The following FHL2 variants were observed in gnomAD, a reference collection of about 807,000 sequenced individuals.
FHL2 encodes the protein four and a half LIM domains 2.
In FHL2, 20 loss-of-function variants were observed where a neutral mutation model predicts 32.7. The observed-to-expected ratio is 0.61, with a 90% CI of 0.43 to 0.89. FHL2 has a LOEUF of 0.89. FHL2 is among the 40% of genes least tolerant of loss of function. The probability of loss-of-function intolerance (pLI) is 0.00; values close to 1 mark genes in which losing one functional copy is unlikely to be tolerated. For missense variants in FHL2, 311 were observed against 358.6 expected (o/e 0.87, Z 1.07); for synonymous variants, 123 against 128.1 (o/e 0.96, Z 0.27).
intron 2 of FHL2, among the ~76,000 whole-genome samples, chr2:105,387,454 C>T (rs547883231): frequency 3.3e-5 from 5 of 152,118 alleles, no homozygotes; most frequent in African/African-American, 7.2e-5. Flanking sequence ...TTGCTCCCTG[C>T]GGGTAAGATC....
intron 4 of FHL2, among the ~76,000 whole-genome samples, chr2:105,370,765 G>A (rs1227767612): frequency 1.3e-5 from 2 of 152,152 alleles, no homozygotes; most frequent in East Asian, 1.9e-4. Context: ...TGCATACACC[G>A]GGATTCTTCT....
At chr2:105,432,037 A>T (rs11124032) in intron 1 of FHL2, among the ~76,000 whole-genome samples, 1 of 152,088 alleles carries the variant, frequency 6.6e-6, no homozygotes, top group Admixed American at 6.5e-5. Context: ...ACTTGCCACT[A>T]TGAGTTTCCA....
At chr2:105,378,219 T>C in intron 3 of FHL2, 2 of 470,688 alleles carry the variant, frequency 4.2e-6, no homozygotes, top group South Asian at 3.1e-5. Flanking sequence ...AAAAATGCAA[T>C]AGCTACAGTT....
chr2:105,404,012 A>T (rs1449185057), upstream of FHL2, among the ~76,000 whole-genome samples: 4 of 151,622 alleles, frequency 2.6e-5, no homozygotes, highest in East Asian at 7.7e-4. Flanking sequence ...CGTGGGGGGG[A>T]GGCTGGTGGG....
intron 5 of FHL2, among the ~76,000 whole-genome samples, chr2:105,365,185 T>C (rs1353468625): frequency 1.3e-5 from 2 of 152,164 alleles, no homozygotes; most frequent in Non-Finnish European, 2.9e-5. Context: ...CTCAGATTAG[T>C]TGAGGTCCCT....
At chr2:105,412,707 G>A (rs1009963150) in intron 1 of FHL2, among the ~76,000 whole-genome samples, 1 of 152,222 alleles carries the variant, frequency 6.6e-6, no homozygotes, top group African/African-American at 2.4e-5. Flanking sequence ...CGCAGAGGTG[G>A]CTGAGAAGGC....
At position 105,398,898 on chromosome 2, in the gene FHL2, C is replaced by T. The variant is rs747293424; in HGVS notation, c.-132G>A. The T allele has an allele frequency of 3.3e-6, 5 of 1,530,388 alleles. No individual in the cohort carries two copies. The highest frequency in any genetic ancestry group is 1.7e-4 in the Middle Eastern group (1 of 5,842). 94.8% of individuals were successfully genotyped at this position (1,530,388 alleles called of 1,614,324 possible). A position where few individuals can be genotyped will look rare whatever the true frequency, so the allele number is the denominator to read the frequency against. On this transcript the variant is annotated 5_prime_UTR_variant, in exon 1 of 7. Coordinates refer to ENST00000530340, the MANE Select transcript of FHL2 (RefSeq NM_001318895.3). Reference sequence around the variant, plus strand: ...TCCTTGGGTCTCGCACCGGATTCGGCCCCCACTTCCGAGCCCTGGTGGCTA... The same window carrying T: ...TCCTTGGGTCTCGCACCGGATTCGGTCCCCACTTCCGAGCCCTGGTGGCTA...
At chr2:105,435,033 T>G (rs17030895) in intron 1 of FHL2, among the ~76,000 whole-genome samples, 3,358 of 152,298 alleles carry the variant, frequency 0.022, 130 homozygotes, top group African/African-American at 0.077. Context: ...ATTTAAAATG[T>G]AGAGAAAAAT....
At chr2:105,361,496 AG>A in intron 6 of FHL2, 62 bp from the exon 7 acceptor site, 1 of 1,481,032 alleles carries the variant, frequency 6.8e-7, no homozygotes, top group Non-Finnish European at 9.3e-7. Flanking sequence ...CTGGGACTGA[AG>A]AAGGAATTCT....
chr2:105,438,226 C>T (rs1045531916), intron 1 of FHL2, among the ~76,000 whole-genome samples: 6 of 152,170 alleles, frequency 3.9e-5, no homozygotes, highest in Non-Finnish European at 8.8e-5. Context: ...AGCCAGCTGC[C>T]AGCAACACCT....
At chr2:105,421,405 G>A (rs964695267) in intron 1 of FHL2, among the ~76,000 whole-genome samples, 1 of 152,138 alleles carries the variant, frequency 6.6e-6, no homozygotes, top group African/African-American at 2.4e-5. Flanking sequence ...CGCTACAGAA[G>A]GCCCAATGCC....
intron 1 of FHL2, among the ~76,000 whole-genome samples, chr2:105,414,083 C>G (rs1363219890): frequency 6.6e-6 from 1 of 152,176 alleles, no homozygotes. Context: ...CCCTCCTTGG[C>G]TTCCATTAAT....
chr2:105,383,221 C>T (rs1449647074), intron 3 of FHL2, among the ~76,000 whole-genome samples: 1 of 152,192 alleles, frequency 6.6e-6, no homozygotes, highest in Non-Finnish European at 1.5e-5. Flanking sequence ...TTTTGAAGCC[C>T]AGAACGTAGG....
At chr2:105,368,700 A>G (rs1461047765) in intron 4 of FHL2, among the ~76,000 whole-genome samples, 1 of 152,226 alleles carries the variant, frequency 6.6e-6, no homozygotes, top group Admixed American at 6.5e-5. Context: ...CTGTTGACTG[A>G]CATTTTTTCA....
chr2:105,436,082 G>A (rs1044063940), intron 1 of FHL2, among the ~76,000 whole-genome samples: 2 of 152,118 alleles, frequency 1.3e-5, no homozygotes, highest in Admixed American at 6.6e-5. Flanking sequence ...TTCAAATGAA[G>A]TATCAAATTG....
Position 105,398,927 on chromosome 2 carries a change from C to T in FHL2, c.-161G>A, listed in dbSNP as rs1438955857. On this transcript the variant is annotated 5_prime_UTR_variant, in exon 1 of 7. Transcript: ENST00000530340. ...CACTTCCGAGCCCTGGTGGCTAAGC[C>T]CCTCGGCCTCCCTCCGGGGCGCAGG... 2 of 1,537,220 alleles carry T rather than the reference C, an allele frequency of 1.3e-6. No homozygotes were observed. The highest frequency in any genetic ancestry group is 2.0e-5 in the Admixed American group (1 of 49,262).
At chr2:105,363,249 A>C (rs1275434478) in intron 6 of FHL2, 36 bp downstream of exon 6, 12 of 1,607,792 alleles carry the variant, frequency 7.5e-6, no homozygotes, top group Non-Finnish European at 9.4e-6. Context: ...TCAAGCTTCC[A>C]ATCGCCCCTG....
upstream of FHL2, among the ~76,000 whole-genome samples, chr2:105,404,153 G>A (rs1287418733): frequency 6.6e-6 from 1 of 152,200 alleles, no homozygotes; most frequent in African/African-American, 2.4e-5. Flanking sequence ...AGGTCAGACC[G>A]CCCTATGTTC....
In FHL2 at chr2:105,378,123, C is replaced by G. The variant is rs561030975; in HGVS notation, c.157-4390G>C. 6.6e-4 allele frequency: 309 copies of G among 471,224 alleles called. 4 individuals are homozygous for G. Among genetic ancestry groups the G allele is most frequent in the Middle Eastern group, 2.6e-3 (8 of 3,078 alleles). The allele number at this position is 471,224 out of a possible 1,614,324, so 29.2% of individuals were successfully genotyped here. A position where few individuals can be genotyped will look rare whatever the true frequency, so the allele number is the denominator to read the frequency against. On this transcript the variant is annotated intron_variant, in intron 3 of 6. Transcript: ENST00000530340. ...GAAAGAGCACATCAGCATGCCTGCA[C>G]AGACATGGAAAAGCTGGCTAAGACA...
Sources: allele counts gnomAD v4.1 joint callset (sites outside exome capture counted in the v4.1 genomes callset), GRCh38; gene constraint gnomAD v4.1.1; transcripts MANE v1.5; gene names NCBI Gene and HGNC (gene_info 2026-07-23, HGNC 2026-07-21).